UBE2O: variants seen among roughly 807,000 people sequenced by gnomAD.
UBE2O encodes (E3-independent) E2 ubiquitin-conjugating enzyme.
In UBE2O, 15 loss-of-function variants were observed where a neutral mutation model predicts 125.8. The observed-to-expected ratio is 0.12, with a 90% confidence interval of 0.08 to 0.18. UBE2O has a LOEUF of 0.18. Ranked by LOEUF, UBE2O falls within the 10% of genes least tolerant of loss-of-function variation. The pLI is 1.00. For missense variants in UBE2O, 1,280 were observed against 1,723.6 expected (o/e 0.74, Z 4.56); for synonymous variants, 708 against 703.2 (o/e 1.01, Z -0.11).
At chr17:76,407,746 G>A (rs2072449376) in intron 1 of UBE2O, among the ~76,000 whole-genome samples, 1 of 152,274 alleles carries the variant, frequency 6.6e-6, no homozygotes, top group Non-Finnish European at 1.5e-5. Context: ...CAAGGCCAGA[G>A]GCTGGCAGGG....
chr17:76,437,500 A>G (rs1213348621), intron 1 of UBE2O, among the ~76,000 whole-genome samples: 2 of 152,140 alleles, frequency 1.3e-5, no homozygotes, highest in Non-Finnish European at 2.9e-5. Context: ...GTTAAATGCA[A>G]TGTAGTATCC....
intron 1 of UBE2O, among the ~76,000 whole-genome samples, chr17:76,442,085 G>A (rs78800379): frequency 9.7e-5 from 11 of 113,672 alleles, no homozygotes; most frequent in East Asian, 7.0e-4. Context: ...TGCTTTAGGC[G>A]GGGTTCTTAC....
Position 76,399,559 on chromosome 17 carries a change from G to A in UBE2O, c.1518C>T (p.Ser506=), listed in dbSNP as rs759313394. The A allele has an allele frequency of 9.3e-6, 15 of 1,614,084 alleles. No homozygotes were observed. The East Asian group carries it at 1.6e-4, about 17-fold the overall frequency. The change falls in exon 9 of 18, where the codon AGC becomes AGT. Residue 506 remains serine, a synonymous_variant. Transcript: ENST00000319380. This position sits in a 1 kb window ranked among gnomAD's most constrained non-coding sequence, Gnocchi z 6.9. ...TCTTTTTGCGACTCGTGCCGCTGCC[G>A]CTCTGGGAGGAAGTGGTGGAGCTGG... ...SSASSTTSSQ[S]GSGTSRKKSI...
Position 76,391,202 on chromosome 17 carries a change from C to A in UBE2O, c.3620G>T (p.Gly1207Val). Residue 1207 changes from glycine (G) to valine (V), a missense_variant, in exon 18 of 18, where the codon GGC becomes GTC. Transcript: ENST00000319380. This position sits in a 1 kb window ranked among gnomAD's most constrained non-coding sequence, Gnocchi z 8.4. ...QGSDSEGGAQ[G>V]LASASRDHTD... ...GTGGTCCCTGCTAGCTGAGGCCAGG[C>A]CCTGGGCACCGCCCTCTGAGTCTGA... 1 of 1,613,140 alleles carries A rather than the reference C, an allele frequency of 6.2e-7. No individual in the cohort carries two copies.
At position 76,400,317 on chromosome 17, in the gene UBE2O, G is replaced by C. The variant is rs774277235; in HGVS notation, c.1005-20C>G. The C allele has an allele frequency of 3.1e-6, 5 of 1,611,794 alleles. No individual in the cohort carries two copies. In the African/African-American group the frequency reaches 5.3e-5, roughly 17 times the overall value. ...TTCACCCTGGTTGGGGAAGAAGTGG[G>C]GGTGAGCTGGGCTGGACTCCTGGGA... On this transcript the variant is annotated intron_variant, in intron 7 of 17. Coordinates refer to ENST00000319380, the MANE Select transcript of UBE2O (RefSeq NM_022066.4). This position sits in a 1 kb window ranked among gnomAD's most constrained non-coding sequence, Gnocchi z 4.3.
chr17:76,447,764 AC>A (rs1396665945), intron 1 of UBE2O, among the ~76,000 whole-genome samples: 1 of 151,902 alleles, frequency 6.6e-6, no homozygotes, highest in Non-Finnish European at 1.5e-5. Flanking sequence ...TGAAACAACC[AC>A]CTTCCCCACA....
chr17:76,415,828 T>TGTGTGTGTGTGTGC (rs1491320241), intron 1 of UBE2O, among the ~76,000 whole-genome samples: 2 of 151,172 alleles, frequency 1.3e-5, no homozygotes, highest in East Asian at 3.9e-4. Context: ...TGTGTGTGTG[T>TGTGTGTGTGTGTGC]GCATACACAT....
At position 76,398,915 on chromosome 17, in the gene UBE2O, G is replaced by A; in HGVS notation, c.1705C>T (p.Arg569Cys). The change falls in exon 10 of 18, where the codon CGC (arginine) becomes TGC (cysteine). Residue 569 changes from arginine to cysteine, a missense_variant. Arg to Cys is a radical substitution (Grantham distance 180). Around this residue, in one of 10 missense-constraint regions of UBE2O, gnomAD observed 145 missense variants for 219.6 expected, o/e 0.66. Coordinates refer to ENST00000319380, the MANE Select transcript of UBE2O (RefSeq NM_022066.4). This position sits in a 1 kb window ranked among gnomAD's most constrained non-coding sequence, Gnocchi z 5.4. ...WQDGSVECNIRSNDLFPVHHL... is the reference protein window; with the variant it reads ...WQDGSVECNICSNDLFPVHHL... ...TGCACAGGGAAGAGGTCGTTGGAGC[G>A]GATGTTGCATTCCACGGAGCCATCC... The A allele has an allele frequency of 5.0e-6, 8 of 1,614,176 alleles. No homozygotes were observed. The highest frequency in any genetic ancestry group is 6.8e-6 in the Non-Finnish European group (8 of 1,180,034).
Position 76,452,683 on chromosome 17 carries a change from G to C in UBE2O, c.417+42C>G. 1 of 1,344,730 alleles carries C rather than the reference G, an allele frequency of 7.4e-7. No homozygotes were observed. Among genetic ancestry groups the C allele is most frequent in the Non-Finnish European group, 9.4e-7 (1 of 1,058,468 alleles). 83.3% of individuals were successfully genotyped at this position (1,344,730 alleles called of 1,614,324 possible). ...CTTCCCTGGCCTCGGCCCGGCCGCC[G>C]ACCCCCTGCCGCCCGCGCCGCCCAG... is the stretch of plus-strand genomic sequence containing the variant. On this transcript the variant is annotated intron_variant, in intron 1 of 17. Coordinates refer to ENST00000319380, the MANE Select transcript of UBE2O (RefSeq NM_022066.4). The surrounding 1 kb of genome is among the most constrained non-coding windows in gnomAD (Gnocchi z 4.4).
Position 76,416,040 on chromosome 17 carries a change from T to G in UBE2O, c.418-10468A>C, listed in dbSNP as rs536580295. 2.7e-3 allele frequency among the ~76,000 whole-genome samples: 414 copies of G among 151,766 alleles called. 2 individuals carry two copies. Among genetic ancestry groups the G allele is most frequent in the Non-Finnish European group, 3.2e-3 (215 of 67,864 alleles). On this transcript the variant is annotated intron_variant, in intron 1 of 17. Coordinates refer to ENST00000319380, the MANE Select transcript of UBE2O (RefSeq NM_022066.4). ...ATATGTACACACACGTATATATGTG[T>G]GTGTACATATGTACATACACGTATA...
intron 15 of UBE2O, among the ~76,000 whole-genome samples, chr17:76,394,713 C>T (rs2072174764): frequency 6.6e-6 from 1 of 152,074 alleles, no homozygotes; most frequent in Non-Finnish European, 1.5e-5. Context: ...TTCCAACAAT[C>T]CTCTGGGTGT....
Position 76,402,502 on chromosome 17 carries a change from A to G in UBE2O, c.686+100T>C. The G allele has an allele frequency of 9.7e-7, 1 of 1,032,552 alleles. No individual in the cohort carries two copies. Among genetic ancestry groups the G allele is most frequent in the South Asian group, 1.3e-5 (1 of 74,596 alleles). The allele number at this position is 1,032,552 out of a possible 1,614,324, so 64.0% of individuals were successfully genotyped here. On this transcript the variant is annotated intron_variant, in intron 4 of 17. Transcript: ENST00000319380. The surrounding 1 kb of genome is among the most constrained non-coding windows in gnomAD (Gnocchi z 5.4). ...AACATCTGTCACTGCCCTTGATCAA[A>G]CCTGTCATCACTGTCCCCAGGAGGA... is the stretch of plus-strand genomic sequence containing the variant.
At position 76,404,395 on chromosome 17, in the gene UBE2O, C is replaced by A. The variant is rs374586900; in HGVS notation, c.588+811G>T. 1.9e-4 allele frequency among the ~76,000 whole-genome samples: 29 copies of A among 152,254 alleles called. No homozygotes were observed. The highest frequency in any genetic ancestry group is 7.0e-4 in the African/African-American group (29 of 41,540). On this transcript the variant is annotated intron_variant, in intron 3 of 17. Transcript: ENST00000319380. The surrounding 1 kb of genome is among the most constrained non-coding windows in gnomAD (Gnocchi z 4.3). ...AAGAACACGTGGGCATGAGGCAACACCAGGAAGACCCAGGCTGAGGGTCAA... is the reference window on the plus strand; with the variant it reads ...AAGAACACGTGGGCATGAGGCAACAACAGGAAGACCCAGGCTGAGGGTCAA...
At chr17:76,423,443 C>T (rs1449922570) in intron 1 of UBE2O, among the ~76,000 whole-genome samples, 1 of 151,790 alleles carries the variant, frequency 6.6e-6, no homozygotes, top group Non-Finnish European at 1.5e-5. Flanking sequence ...CCTGTAATCC[C>T]AGCACTTCGG....
At chr17:76,424,207 C>CTTTTT (rs569775028) in intron 1 of UBE2O, among the ~76,000 whole-genome samples, 50 of 105,310 alleles carry the variant, frequency 4.7e-4, no homozygotes, top group African/African-American at 9.5e-4. Flanking sequence ...CGCGCCCGGC[C>CTTTTT]TTTTTTTTTT....
At chr17:76,431,718 G>C (rs1010884949) in intron 1 of UBE2O, among the ~76,000 whole-genome samples, 1 of 152,078 alleles carries the variant, frequency 6.6e-6, no homozygotes, top group Non-Finnish European at 1.5e-5. Context: ...CAGCGGGGGG[G>C]ACTGCTTGAA....
chr17:76,396,171 G>A lies in UBE2O; in HGVS notation c.2766C>T (p.Thr922=). The change falls in exon 14 of 18, where the codon ACC becomes ACT. Residue 922 remains threonine, a synonymous_variant. Transcript: ENST00000319380. The surrounding 1 kb of genome is among the most constrained non-coding windows in gnomAD (Gnocchi z 6.7). ...QCGGKPGVTF[T]SAKGEVFSVL... The stretch of plus-strand genomic sequence containing the variant: ...CGGAGAAGACCTCGCCCTTGGCGCT[G>A]GTGAAGGTGACGCCAGGCTTGCCGC... The A allele has an allele frequency of 6.2e-7, 1 of 1,613,594 alleles. No individual in the cohort carries two copies. Among genetic ancestry groups the A allele is most frequent in the Non-Finnish European group, 8.5e-7 (1 of 1,179,700 alleles).
intron 1 of UBE2O, among the ~76,000 whole-genome samples, chr17:76,420,954 A>G (rs2072701303): frequency 6.6e-6 from 1 of 152,118 alleles, no homozygotes; most frequent in Admixed American, 6.5e-5. Flanking sequence ...ACATCCCTGC[A>G]ATTAGGTCAG....
At chr17:76,407,533 G>A (rs1394611914) in intron 1 of UBE2O, among the ~76,000 whole-genome samples, 2 of 152,230 alleles carry the variant, frequency 1.3e-5, no homozygotes, top group South Asian at 2.1e-4. Context: ...TGTGGCAGGA[G>A]GGCTGCCTCC....
Sources: gnomAD v4.1 joint callset for allele counts (sites outside exome capture counted in the v4.1 genomes callset) on GRCh38, gnomAD v4.1.1 for gene constraint, gnomAD v4.1.1 regional missense constraint, Gnocchi (gnomAD v3.1) non-coding constraint, MANE v1.5 for transcripts, NCBI Gene and HGNC (gene_info 2026-07-23, HGNC 2026-07-21) for gene names.